ENTPD5: variants seen among roughly 807,000 people sequenced by gnomAD.
The protein encoded by ENTPD5 is nucleoside diphosphate phosphatase ENTPD5.
A neutral mutation model predicts 60.2 loss-of-function variants in ENTPD5; 49 were observed. The observed-to-expected ratio is 0.81, with a 90% CI of 0.65 to 1.03. The LOEUF (loss-of-function observed/expected upper bound fraction) is 1.03, where lower values mean the gene tolerates loss of function less well. ENTPD5 is among the 50% of genes least tolerant of loss of function. ENTPD5 has a pLI of 0.00. For synonymous variants in ENTPD5, 187 were observed against 185.4 expected (o/e 1.01, Z -0.07); for missense variants, 480 against 507.6 (o/e 0.95, Z 0.52).
chr14:74,015,612 C>T (rs1566775901), intron 2 of ENTPD5, among the ~76,000 whole-genome samples: 1 of 151,966 alleles, frequency 6.6e-6, no homozygotes, highest in Non-Finnish European at 1.5e-5. Context: ...CTTGGCCTCC[C>T]AAAGTGTTAG....
intron 14 of ENTPD5, 84 bp downstream of exon 14, chr14:73,971,768 T>G: frequency 8.0e-6 from 7 of 871,312 alleles, no homozygotes; most frequent in African/African-American, 1.7e-5. Context: ...CTGAGCTGAC[T>G]GAGGTGCTTT....
At chr14:74,013,608 C>T (rs2058914657) in intron 2 of ENTPD5, among the ~76,000 whole-genome samples, 1 of 151,996 alleles carries the variant, frequency 6.6e-6, no homozygotes, top group Non-Finnish European at 1.5e-5. Flanking sequence ...TTGAACACCC[C>T]TGGTCTACAC....
downstream of ENTPD5, chr14:73,960,016 G>C: frequency 9.7e-7 from 1 of 1,027,076 alleles, no homozygotes; most frequent in Non-Finnish European, 1.2e-6. Context: ...AACCTTTTGA[G>C]GGTTGTGGGC....
intron 3 of ENTPD5, among the ~76,000 whole-genome samples, chr14:73,994,549 A>G (rs2058265989): frequency 6.6e-6 from 1 of 151,926 alleles, no homozygotes; most frequent in African/African-American, 2.4e-5. Context: ...ACTGGTCAAC[A>G]TGGTGACACC....
chr14:74,007,292 A>C (rs534832712), intron 3 of ENTPD5, among the ~76,000 whole-genome samples: 41 of 152,228 alleles, frequency 2.7e-4, no homozygotes, highest in African/African-American at 6.5e-4. Flanking sequence ...GAGGTCAAGG[A>C]GGGCGGATCA....
chr14:73,971,437 G>A (rs748515671), intron 14 of ENTPD5, among the ~76,000 whole-genome samples: 15 of 152,160 alleles, frequency 9.9e-5, no homozygotes, highest in Admixed American at 2.6e-4. Context: ...GATTACAGGC[G>A]TGAGCCACCG....
At chr14:73,972,839 CCCTATCCA>C (rs772606688) in intron 13 of ENTPD5, 37 bp downstream of exon 13, 3 of 1,606,420 alleles carry the variant, frequency 1.9e-6, no homozygotes, top group African/African-American at 2.7e-5. Flanking sequence ...CCCACCACAG[CCCTATCCA>C]CCTTCCTCTC....
At chr14:73,997,701 T>C (rs1354639558) in intron 3 of ENTPD5, among the ~76,000 whole-genome samples, 1 of 152,112 alleles carries the variant, frequency 6.6e-6, no homozygotes, top group East Asian at 1.9e-4. Flanking sequence ...TTTGAGGATA[T>C]AACTTATAAT....
chr14:73,989,519 G>T (rs2058047017), intron 3 of ENTPD5, among the ~76,000 whole-genome samples: 1 of 149,936 alleles, frequency 6.7e-6, no homozygotes, highest in South Asian at 2.1e-4. Context: ...CCAACATGGT[G>T]AAACCCTGTA....
intron 14 of ENTPD5, among the ~76,000 whole-genome samples, 188 bp from the exon 15 acceptor site, chr14:73,970,313 G>A (rs1318996543): frequency 2.0e-5 from 3 of 152,126 alleles, no homozygotes; most frequent in Non-Finnish European, 4.4e-5. Context: ...CCAACGTGGT[G>A]AAACCCCATC....
chr14:74,009,793 A>T (rs11625830), intron 3 of ENTPD5, among the ~76,000 whole-genome samples: 42 of 149,494 alleles, frequency 2.8e-4, no homozygotes, highest in Non-Finnish European at 3.6e-4. Flanking sequence ...CATGTTTTCG[A>T]TTTTTTTTTT....
At chr14:73,958,902 G>A, downstream of ENTPD5, 1 of 1,595,402 alleles carries the variant, frequency 6.3e-7, no homozygotes, top group Non-Finnish European at 8.5e-7. Context: ...ACTTTAGGGA[G>A]CAGAGAAAAA....
At chr14:73,959,512 ACT>A (rs1566689928), downstream of ENTPD5, 1 of 1,613,938 alleles carries the variant, frequency 6.2e-7, no homozygotes, top group South Asian at 1.1e-5. Context: ...GATGCCGTTA[ACT>A]CTGCCTTTGT....
chr14:74,009,531 C>T (rs1177519905), intron 3 of ENTPD5, among the ~76,000 whole-genome samples: 1 of 152,114 alleles, frequency 6.6e-6, no homozygotes, highest in Non-Finnish European at 1.5e-5. Context: ...ATAGGGGTTC[C>T]CCATAATTAC....
At chr14:73,984,146 G>A (rs996205937) in intron 5 of ENTPD5, among the ~76,000 whole-genome samples, 1 of 152,110 alleles carries the variant, frequency 6.6e-6, no homozygotes, top group Admixed American at 6.5e-5. Context: ...TCCTGCCTCA[G>A]CCTCCTGAGT....
intron 3 of ENTPD5, among the ~76,000 whole-genome samples, chr14:74,008,192 A>G (rs1594953168): frequency 6.6e-6 from 1 of 152,084 alleles, no homozygotes. Context: ...AGACTTACAT[A>G]TAATAAGACC....
chr14:73,976,131 A>C, intron 9 of ENTPD5, 116 bp from the exon 10 acceptor site: 1 of 927,890 alleles, frequency 1.1e-6, no homozygotes, highest in Non-Finnish European at 1.7e-6. Context: ...TTAAGGGGCT[A>C]ATCTCACTAG....
At chr14:73,995,253 G>C (rs547462101) in intron 3 of ENTPD5, among the ~76,000 whole-genome samples, 3 of 151,902 alleles carry the variant, frequency 2.0e-5, no homozygotes, top group Admixed American at 6.6e-5. Flanking sequence ...TTGCCATGTT[G>C]GCCAGGCTGT....
At chr14:74,005,331 T>C (rs1358500133) in intron 3 of ENTPD5, among the ~76,000 whole-genome samples, 1 of 130,904 alleles carries the variant, frequency 7.6e-6, no homozygotes, top group Non-Finnish European at 1.6e-5. Context: ...TGGTGGCTCA[T>C]GCCTGCCTGG....
Sources: gnomAD v4.1 joint callset for allele counts (sites outside exome capture counted in the v4.1 genomes callset) on GRCh38, gnomAD v4.1.1 for gene constraint, MANE v1.5 for transcripts, NCBI Gene and HGNC (gene_info 2026-07-23, HGNC 2026-07-21) for gene names.